Variants in FGF12 observed in about 807,000 individuals in gnomAD.
The protein encoded by FGF12 is fibroblast growth factor 12, also known as fibroblast growth factor 12B.
FGF12 carries 14 observed loss-of-function variants against 23.6 expected under a neutral mutation model. That is an observed-to-expected ratio of 0.59 (90% CI 0.39 to 0.93). FGF12 has a LOEUF of 0.93. FGF12 is among the 40% of genes least tolerant of loss of function. The pLI, the probability that FGF12 is intolerant of heterozygous loss-of-function variation, is 0.00. For synonymous variants in FGF12, 62 were observed against 77.3 expected, an observed-to-expected ratio of 0.80 and a Z score of 1.04; for missense variants, 175 against 217.8, an observed-to-expected ratio of 0.80 and a Z score of 1.24.
chr3:192,678,851 A>G (rs1260197433), intron 2 of FGF12, among the ~76,000 whole-genome samples: 1 of 152,116 alleles, frequency 6.6e-6, no homozygotes, highest in Non-Finnish European at 1.5e-5. Flanking sequence ...CTCACTGGGT[A>G]ATGTGGAAGA....
chr3:192,687,883 C>A (rs183051069), intron 2 of FGF12, among the ~76,000 whole-genome samples: 1 of 152,254 alleles, frequency 6.6e-6, no homozygotes, highest in East Asian at 1.9e-4. Context: ...ACAACATGTG[C>A]ACATGCAGTC....
intron 4 of FGF12, among the ~76,000 whole-genome samples, chr3:192,323,438 C>T (rs943449658): frequency 1.2e-4 from 18 of 152,042 alleles, no homozygotes; most frequent in African/African-American, 2.4e-4. Flanking sequence ...GAAGATGTTA[C>T]GTTAAGTGAA....
chr3:192,637,703 T>C (rs1419905806), intron 2 of FGF12, among the ~76,000 whole-genome samples: 1 of 152,134 alleles, frequency 6.6e-6, no homozygotes, highest in Non-Finnish European at 1.5e-5. Context: ...TTTTCCTAAG[T>C]AATAAAAATC....
intron 2 of FGF12, among the ~76,000 whole-genome samples, chr3:192,667,749 A>C (rs563057284): frequency 3.2e-4 from 48 of 152,198 alleles, no homozygotes; most frequent in Admixed American, 2.9e-3. Context: ...GAATGGCAGA[A>C]TGGCAAGTGT....
intron 2 of FGF12, among the ~76,000 whole-genome samples, chr3:192,504,217 C>T (rs10937548): frequency 0.85 from 129,907 of 152,026 alleles, 55,850 homozygotes; most frequent in East Asian, 0.91. Flanking sequence ...AGGGTGAAGA[C>T]CAGAAAACTT....
chr3:192,373,864 C>T (rs1719354429), intron 2 of FGF12, among the ~76,000 whole-genome samples: 1 of 152,156 alleles, frequency 6.6e-6, no homozygotes, highest in Admixed American at 6.6e-5. Context: ...GATCAAAAGC[C>T]TACTTCTCTC....
chr3:192,242,000 G>A (rs1370828702), intron 4 of FGF12, among the ~76,000 whole-genome samples: 1 of 152,070 alleles, frequency 6.6e-6, no homozygotes, highest in Non-Finnish European at 1.5e-5. Context: ...GTATTTATGG[G>A]GTACAGCTGA....
Position 192,140,052 on chromosome 3 carries a change from T to C in FGF12, c.*3957A>G, listed in dbSNP as rs1263848463. 6.6e-6 allele frequency: 1 copy of C among 152,086 alleles called. No homozygotes were observed. The highest frequency in any genetic ancestry group is 1.5e-5 in the Non-Finnish European group (1 of 67,942). 9.4% of individuals were successfully genotyped at this position (152,086 alleles called of 1,614,324 possible). On this transcript the variant is annotated 3_prime_UTR_variant, in exon 6 of 6. Coordinates refer to ENST00000445105, the MANE Select transcript of FGF12 (RefSeq NM_004113.6). ...TTATTATTCCCACCTGTTTCTTTTTTATTATAAAGTGGCAATTTGTACCAT... is the reference window on the plus strand; with the variant it reads ...TTATTATTCCCACCTGTTTCTTTTTCATTATAAAGTGGCAATTTGTACCAT...
At chr3:192,444,451 G>C (rs1722291950) in intron 2 of FGF12, among the ~76,000 whole-genome samples, 1 of 151,612 alleles carries the variant, frequency 6.6e-6, no homozygotes, top group Admixed American at 6.6e-5. Flanking sequence ...AACTGTCTTT[G>C]TTTCTTCTAG....
At chr3:192,266,725 T>A (rs1487235539) in intron 4 of FGF12, among the ~76,000 whole-genome samples, 1 of 152,038 alleles carries the variant, frequency 6.6e-6, no homozygotes, top group Non-Finnish European at 1.5e-5. Flanking sequence ...TCTTACTCCA[T>A]CCTGTATTAC....
intron 2 of FGF12, among the ~76,000 whole-genome samples, chr3:192,706,514 A>G (rs1718477039): frequency 6.6e-6 from 1 of 151,952 alleles, no homozygotes; most frequent in South Asian, 2.1e-4. Flanking sequence ...GTCCTCTCCA[A>G]TTTACTCATC....
At chr3:192,468,036 G>A (rs1312113427) in intron 2 of FGF12, among the ~76,000 whole-genome samples, 1 of 152,166 alleles carries the variant, frequency 6.6e-6, no homozygotes, top group Admixed American at 6.5e-5. Flanking sequence ...AATTTCCATG[G>A]TACACTCCCG....
intron 2 of FGF12, among the ~76,000 whole-genome samples, chr3:192,710,305 C>A (rs76003282): frequency 6.6e-6 from 1 of 152,170 alleles, no homozygotes; most frequent in African/African-American, 2.4e-5. Flanking sequence ...TTTATCCTTT[C>A]AAGTAAGGAT....
chr3:192,423,488 C>G (rs1721599072), intron 2 of FGF12, among the ~76,000 whole-genome samples: 1 of 152,064 alleles, frequency 6.6e-6, no homozygotes, highest in African/African-American at 2.4e-5. Flanking sequence ...CTTTTTGTTT[C>G]TTAAGATCAT....
intron 2 of FGF12, among the ~76,000 whole-genome samples, chr3:192,682,127 G>A (rs1055241653): frequency 6.6e-6 from 1 of 152,120 alleles, no homozygotes; most frequent in African/African-American, 2.4e-5. Flanking sequence ...CGGGAGAAAT[G>A]GTGACACACA....
In FGF12 at chr3:192,409,053, A is replaced by G. The variant is rs1721090907; in HGVS notation, c.14-48515T>C. 2 of 905,266 alleles carry G rather than the reference A, an allele frequency of 2.2e-6. No homozygotes were observed. The highest frequency in any genetic ancestry group is 2.6e-6 in the Non-Finnish European group (2 of 761,506). 56.1% of individuals were successfully genotyped at this position (905,266 alleles called of 1,614,324 possible). On this transcript the variant is annotated intron_variant, in intron 2 of 5. Transcript: ENST00000445105. The surrounding 1 kb of genome is among the most constrained non-coding windows in gnomAD (Gnocchi z 4.8). ...GCAACTCCCGGCCAGCAGCACTGCA[A>G]AGAGAGCGGGAGGCGAGGGAGGGGG...
chr3:192,412,426 G>A (rs1037574583), intron 2 of FGF12, among the ~76,000 whole-genome samples: 3 of 152,202 alleles, frequency 2.0e-5, no homozygotes, highest in African/African-American at 7.2e-5. Flanking sequence ...CATCAAGTTA[G>A]GCATTTAAAG....
At chr3:192,445,811 C>T (rs1230081927) in intron 2 of FGF12, among the ~76,000 whole-genome samples, 1 of 152,148 alleles carries the variant, frequency 6.6e-6, no homozygotes, top group African/African-American at 2.4e-5. Flanking sequence ...AGAAAACAAA[C>T]CTCCCACCTT....
chr3:192,199,097 G>A (rs1172420052), intron 4 of FGF12, among the ~76,000 whole-genome samples: 1 of 152,220 alleles, frequency 6.6e-6, no homozygotes, highest in East Asian at 1.9e-4. Context: ...AAATGGGAAA[G>A]AGCTGAAGTC....
Sources: gnomAD v4.1 joint callset for allele counts (sites outside exome capture counted in the v4.1 genomes callset) on GRCh38, gnomAD v4.1.1 for gene constraint, Gnocchi (gnomAD v3.1) non-coding constraint, MANE v1.5 for transcripts, NCBI Gene and HGNC (gene_info 2026-07-23, HGNC 2026-07-21) for gene names.